CUX2: variants seen among roughly 807,000 people sequenced by gnomAD.
The protein encoded by CUX2 is cut like homeobox 2, also known as homeobox protein cut-like 2.
A neutral mutation model predicts 144.8 loss-of-function variants in CUX2; 40 were observed. The observed-to-expected ratio is 0.28, with a 90% CI of 0.21 to 0.36. The LOEUF (loss-of-function observed/expected upper bound fraction) is 0.36. CUX2 is among the 10% of genes least tolerant of loss of function. The probability of loss-of-function intolerance (pLI) is 1.00; values close to 1 mark genes in which losing one functional copy is unlikely to be tolerated. For missense variants in CUX2, 1,615 were observed against 1,994.0 expected (o/e 0.81, Z 3.62); for synonymous variants, 827 against 875.6 (o/e 0.94, Z 0.98).
At chr12:111,345,609 G>A (rs1888764827) in intron 21 of CUX2, among the ~76,000 whole-genome samples, 1 of 151,132 alleles carries the variant, frequency 6.6e-6, no homozygotes, top group Non-Finnish European at 1.5e-5. Context: ...AGGCGTGGTG[G>A]CGGGCGCCTG....
chr12:111,344,083 T>C (rs1008641949), intron 21 of CUX2, among the ~76,000 whole-genome samples: 23 of 152,086 alleles, frequency 1.5e-4, no homozygotes, highest in Admixed American at 1.5e-3. Context: ...TAAAATATGG[T>C]TTATCATCTG....
rs1353181239 is a variant in CUX2, at chr12:111,034,434, G to A, written c.63+194G>A. On this transcript the variant is annotated intron_variant, in intron 1 of 21. Coordinates refer to ENST00000261726, the MANE Select transcript of CUX2 (RefSeq NM_015267.4). This position sits in a 1 kb window ranked among gnomAD's most constrained non-coding sequence, Gnocchi z 4.2. ...TTGATCTCGCCGCTGCTCTTTGTTC[G>A]GTTCAGTCATCGATTAGCTGCCGCG... is the stretch of plus-strand genomic sequence containing the variant. 6.6e-6 allele frequency among the ~76,000 whole-genome samples: 1 copy of A among 151,556 alleles called. No individual in the cohort carries two copies. The highest frequency in any genetic ancestry group is 1.5e-5 in the Non-Finnish European group (1 of 67,858).
intron 1 of CUX2, among the ~76,000 whole-genome samples, chr12:111,062,863 C>T (rs953848932): frequency 6.6e-6 from 1 of 152,106 alleles, no homozygotes; most frequent in African/African-American, 2.4e-5. Context: ...GGGTGGGAGA[C>T]CATACCTCTG....
At chr12:111,298,517 C>T (rs1224481119) in intron 8 of CUX2, 24 bp from the exon 9 acceptor site, 1 of 1,563,560 alleles carries the variant, frequency 6.4e-7, no homozygotes, top group Non-Finnish European at 8.7e-7. Context: ...AGCCCTTCCT[C>T]AGGGCCTCAT....
intron 1 of CUX2, among the ~76,000 whole-genome samples, chr12:111,136,083 G>A (rs185592962): frequency 1.3e-5 from 2 of 152,090 alleles, no homozygotes; most frequent in Non-Finnish European, 2.9e-5. Flanking sequence ...AAGGTTTGGA[G>A]TAGAGGGGTG....
At position 111,320,888 on chromosome 12, in the gene CUX2, G is replaced by A; in HGVS notation, c.2766+113G>A. The A allele has an allele frequency of 8.7e-7, 1 of 1,155,442 alleles. No individual in the cohort carries two copies. The highest frequency in any genetic ancestry group is 1.1e-6 in the Non-Finnish European group (1 of 872,836). 71.6% of individuals were successfully genotyped at this position (1,155,442 alleles called of 1,614,324 possible). On this transcript the variant is annotated intron_variant, in intron 17 of 21. Transcript: ENST00000261726. The surrounding 1 kb of genome is among the most constrained non-coding windows in gnomAD (Gnocchi z 8.1). ...CCAGGGGCCCAGGCCCTTCATTCCT[G>A]AGTCCTGCTGTCCCTGGGTCCCGCA...
chr12:111,144,948 C>A (rs1334767597), intron 1 of CUX2, among the ~76,000 whole-genome samples: 1 of 152,166 alleles, frequency 6.6e-6, no homozygotes. Context: ...CCACCGTCTT[C>A]CACCTGGGAT....
intron 1 of CUX2, among the ~76,000 whole-genome samples, chr12:111,130,987 T>C (rs1048868892): frequency 6.6e-6 from 1 of 152,250 alleles, no homozygotes; most frequent in African/African-American, 2.4e-5. Context: ...TTCTATCTTA[T>C]GAATTAGAAA....
Position 111,310,743 on chromosome 12 carries a change from TG to T in CUX2, c.1900+66del. ...CACGCCAGGTCCAGGGCATCAGGGC[TG>T]GGGGCTGAGGACACGCGCTCTGGGT... On this transcript the variant is annotated intron_variant, in intron 15 of 21. Coordinates refer to ENST00000261726, the MANE Select transcript of CUX2 (RefSeq NM_015267.4). The surrounding 1 kb of genome is among the most constrained non-coding windows in gnomAD (Gnocchi z 7.9). 1 of 1,523,730 alleles carries T rather than the reference TG, an allele frequency of 6.6e-7. No homozygotes were observed. The highest frequency in any genetic ancestry group is 2.3e-5 in the East Asian group (1 of 43,750). The allele number at this position is 1,523,730 out of a possible 1,614,324, so 94.4% of individuals were successfully genotyped here. A position where few individuals can be genotyped will look rare whatever the true frequency, so the allele number is the denominator to read the frequency against.
chr12:111,340,689 C>T (rs1888537769), intron 20 of CUX2, among the ~76,000 whole-genome samples: 1 of 152,230 alleles, frequency 6.6e-6, no homozygotes, highest in Non-Finnish European at 1.5e-5. Flanking sequence ...CATCAATGTA[C>T]TTTACGTTCT....
chr12:111,176,644 C>A (rs576319366), intron 1 of CUX2, among the ~76,000 whole-genome samples: 1 of 152,302 alleles, frequency 6.6e-6, no homozygotes, highest in African/African-American at 2.4e-5. Context: ...TGTCCAACCC[C>A]CACTCCAGGC....
chr12:111,137,368 TTGA>T (rs1378051062), intron 1 of CUX2, among the ~76,000 whole-genome samples: 7 of 152,074 alleles, frequency 4.6e-5, no homozygotes, highest in Admixed American at 1.3e-4. Context: ...TTGTTGTTTG[TTGA>T]TGTTGTCGTT....
Position 111,348,077 on chromosome 12 carries a change from G to A in CUX2, c.4213G>A (p.Gly1405Ser). 6.2e-7 allele frequency: 1 copy of A among 1,614,058 alleles called. No homozygotes were observed. The highest frequency in any genetic ancestry group is 8.5e-7 in the Non-Finnish European group (1 of 1,180,024). Residue 1405 changes from glycine (G) to serine (S), a missense_variant, in exon 22 of 22, where the codon GGC (glycine) becomes AGC (serine). Transcript: ENST00000261726. Reference sequence around the variant, plus strand: ...CTCGCCCTCGGCCGCCTCCTCACCAGGCCTCATGATGTCTGTGTCACCTGT... The same window carrying A: ...CTCGCCCTCGGCCGCCTCCTCACCAAGCCTCATGATGTCTGTGTCACCTGT... ...LNSPSAASSP[G>S]LMMSVSPVPS...
At chr12:111,185,745 C>T (rs1395252258) in intron 1 of CUX2, among the ~76,000 whole-genome samples, 2 of 152,198 alleles carry the variant, frequency 1.3e-5, no homozygotes, top group Non-Finnish European at 2.9e-5. Flanking sequence ...CCAGCCCCTA[C>T]AGTCACAGCT....
chr12:111,132,007 C>A (rs1419411388), intron 1 of CUX2, among the ~76,000 whole-genome samples: 1 of 152,230 alleles, frequency 6.6e-6, no homozygotes. Context: ...GGAGCTCCCA[C>A]CCCGCATTTC....
At chr12:111,206,653 T>C (rs769581903) in intron 1 of CUX2, among the ~76,000 whole-genome samples, 5 of 152,194 alleles carry the variant, frequency 3.3e-5, no homozygotes, top group Non-Finnish European at 7.3e-5. Context: ...TGACACAGAA[T>C]TGGGCCAGTG....
At chr12:111,103,768 G>GTC (rs1438241800) in intron 1 of CUX2, among the ~76,000 whole-genome samples, 3 of 152,202 alleles carry the variant, frequency 2.0e-5, no homozygotes, top group Non-Finnish European at 4.4e-5. Flanking sequence ...ACGGTCAGGT[G>GTC]TCTGCCTTCA....
intron 1 of CUX2, among the ~76,000 whole-genome samples, chr12:111,109,476 G>A (rs532210624): frequency 1.3e-5 from 2 of 152,250 alleles, no homozygotes; most frequent in African/African-American, 4.8e-5. Context: ...TCTGGCATGT[G>A]GGGGCCTCTG....
chr12:111,284,629 G>C (rs1396608586), intron 4 of CUX2, among the ~76,000 whole-genome samples: 1 of 152,200 alleles, frequency 6.6e-6, no homozygotes, highest in African/African-American at 2.4e-5. Context: ...GAAGCTTAAA[G>C]GGCTGAAATG....
Sources: allele counts gnomAD v4.1 joint callset (sites outside exome capture counted in the v4.1 genomes callset), GRCh38; gene constraint gnomAD v4.1.1; non-coding constraint Gnocchi (gnomAD v3.1); transcripts MANE v1.5; gene names NCBI Gene and HGNC (gene_info 2026-07-23, HGNC 2026-07-21).